HEATR4: variants seen among roughly 807,000 people sequenced by gnomAD.
HEATR4 encodes the protein HEAT repeat-containing protein 4.
Under a neutral mutation model 108.8 loss-of-function variants are expected in HEATR4, and 95 were observed. The ratio of observed to expected loss-of-function variants is 0.87; its 90% confidence interval spans 0.74 to 1.04. The LOEUF (loss-of-function observed/expected upper bound fraction) is 1.04. HEATR4 is among the 50% of genes least tolerant of loss of function. The pLI, the probability that HEATR4 is intolerant of heterozygous loss-of-function variation, is 0.00. For missense variants in HEATR4, 1,152 were observed against 1,253.8 expected (o/e 0.92, Z 1.23); for synonymous variants, 443 against 459.4 (o/e 0.96, Z 0.46).
chr14:73,601,433 G>A, the HEATR4 span, among the ~76,000 whole-genome samples: 7 of 152,022 alleles, frequency 4.6e-5, no homozygotes, highest in South Asian at 2.1e-4. Flanking sequence ...GCATGGTGGC[G>A]CACGCCTGTA....
At chr14:73,491,029 C>T (rs773079039) in intron 17 of HEATR4, 4 of 1,549,092 alleles carry the variant, frequency 2.6e-6, no homozygotes, top group Middle Eastern at 1.8e-4. Context: ...TGGATGGGCT[C>T]CAGGCCAGTG....
chr14:73,515,809 G>T (rs1479745169), intron 5 of HEATR4, among the ~76,000 whole-genome samples: 1 of 110,134 alleles, frequency 9.1e-6, no homozygotes. Context: ...CTCTGCTGAG[G>T]CCTCCCTCCT....
chr14:73,626,781 CA>C, the HEATR4 span, among the ~76,000 whole-genome samples: 2 of 133,174 alleles, frequency 1.5e-5, no homozygotes, highest in African/African-American at 6.0e-5. Flanking sequence ...AAACAACAGA[CA>C]AACAGCCTTT....
chr14:73,579,870 A>C, the HEATR4 span, among the ~76,000 whole-genome samples: 1 of 137,152 alleles, frequency 7.3e-6, no homozygotes, highest in Non-Finnish European at 1.5e-5. Flanking sequence ...AGGTGGGTGG[A>C]TCATTTGAAG....
At position 73,492,232 on chromosome 14, in the gene HEATR4, C is replaced by T. The variant is rs1156878599; in HGVS notation, c.2844+834G>A. ...TGTATTTTCCTCGGGGCTTCATTCACCAAGCTGAATGCCAGGATGGAGTCC... is the reference window on the plus strand; with the variant it reads ...TGTATTTTCCTCGGGGCTTCATTCATCAAGCTGAATGCCAGGATGGAGTCC... On this transcript the variant is annotated intron_variant, in intron 17 of 17. Coordinates refer to ENST00000553558, the MANE Select transcript of HEATR4 (RefSeq NM_001220484.1). This position sits in a 1 kb window ranked among gnomAD's most constrained non-coding sequence, Gnocchi z 4.9. The T allele has an allele frequency of 6.2e-7, 1 of 1,613,922 alleles. No homozygotes were observed. The highest frequency in any genetic ancestry group is 2.2e-5 in the East Asian group (1 of 44,902).
the HEATR4 span, among the ~76,000 whole-genome samples, chr14:73,621,522 A>G: frequency 2.0e-5 from 3 of 152,164 alleles, no homozygotes; most frequent in Non-Finnish European, 4.4e-5. Flanking sequence ...TAGAGTCATA[A>G]CAGACCAGAG....
chr14:73,619,709 G>T, the HEATR4 span: 2 of 1,614,058 alleles, frequency 1.2e-6, no homozygotes, highest in African/African-American at 2.7e-5. Flanking sequence ...GCTGTTTTGG[G>T]TGAGGCAATA....
chr14:73,626,983 G>C, the HEATR4 span, among the ~76,000 whole-genome samples: 1 of 151,002 alleles, frequency 6.6e-6, no homozygotes, highest in East Asian at 2.0e-4. Flanking sequence ...GTAGAGACAG[G>C]GTTTAGCCAA....
At chr14:73,600,998 A>G in the HEATR4 span, among the ~76,000 whole-genome samples, 21,565 of 150,562 alleles carry the variant, frequency 0.14, 2,174 homozygotes, top group Non-Finnish European at 0.22. Flanking sequence ...AAAATTAGCC[A>G]GGTGTGGTGG....
the HEATR4 span, among the ~76,000 whole-genome samples, chr14:73,592,832 G>A: frequency 3.9e-5 from 6 of 152,164 alleles, no homozygotes; most frequent in Non-Finnish European, 7.3e-5. Flanking sequence ...CAGCCTGGGT[G>A]ACAGAGCGAG....
At chr14:73,485,680 C>T (rs1008816693) in intron 17 of HEATR4, among the ~76,000 whole-genome samples, 2 of 152,118 alleles carry the variant, frequency 1.3e-5, no homozygotes, top group Admixed American at 6.6e-5. Context: ...CAAGACCAGC[C>T]TGGCCAACAT....
the HEATR4 span, among the ~76,000 whole-genome samples, chr14:73,601,255 C>T: frequency 2.0e-5 from 3 of 152,214 alleles, no homozygotes; most frequent in East Asian, 1.9e-4. Flanking sequence ...TTTGACAAAC[C>T]AAACATTGGT....
In HEATR4 at chr14:73,544,304, A is replaced by T. The variant is rs1305597903; in HGVS notation, c.-151-14060T>A. Among the ~76,000 whole-genome samples, 10 of 115,182 alleles carry T rather than the reference A, an allele frequency of 8.7e-5. 1 individual carries two copies. The highest frequency in any genetic ancestry group is 2.3e-4 in the African/African-American group (8 of 35,554). The allele number at this position is 115,182 out of a possible 152,430, so 75.6% of individuals were successfully genotyped here. ...GCAAGACTATGCCTCAAAAATAAAT[A>T]AATTAATTAAATAAATAAATGATTA... On this transcript the variant is annotated intron_variant, in intron 1 of 17. Transcript: ENST00000553558.
intron 17 of HEATR4, chr14:73,491,384 G>T: frequency 7.4e-7 from 1 of 1,353,568 alleles, no homozygotes; most frequent in Non-Finnish European, 9.4e-7. Context: ...GGCGCGCCTG[G>T]TGCCCGCTTC....
At chr14:73,609,347 G>A in the HEATR4 span, among the ~76,000 whole-genome samples, 1 of 152,242 alleles carries the variant, frequency 6.6e-6, no homozygotes, top group African/African-American at 2.4e-5. Context: ...GCAGATGATG[G>A]GATCCTGGAC....
chr14:73,615,048 C>T, the HEATR4 span, among the ~76,000 whole-genome samples: 5 of 140,294 alleles, frequency 3.6e-5, no homozygotes, highest in African/African-American at 5.4e-5. Context: ...AAGATCGCAC[C>T]GTTGCACTCC....
At chr14:73,613,829 G>A in the HEATR4 span, among the ~76,000 whole-genome samples, 1 of 152,022 alleles carries the variant, frequency 6.6e-6, no homozygotes, top group Non-Finnish European at 1.5e-5. Context: ...GCTAGGTAAA[G>A]GTAGCCCAGA....
At position 73,508,258 on chromosome 14, in the gene HEATR4, A is replaced by AAGC; in HGVS notation, c.1754_1756dup (p.Cys585dup). On this transcript the variant is annotated inframe_insertion, in exon 9 of 18. Transcript: ENST00000553558. ...GTAAGTAGCAGTACCTTCCAGAGCC[A>AAGC]AGCACTGAGCTGCAGCCCAGCTATC... The AAGC allele has an allele frequency of 2.5e-6, 4 of 1,614,066 alleles. No homozygotes were observed. The highest frequency in any genetic ancestry group is 3.4e-6 in the Non-Finnish European group (4 of 1,179,996).
chr14:73,569,072 G>A, the HEATR4 span: 2 of 840,224 alleles, frequency 2.4e-6, no homozygotes, highest in African/African-American at 3.4e-5. Context: ...GCAAACCTAG[G>A]AAGTAGCTTT....
Sources: gnomAD v4.1 joint callset for allele counts (sites outside exome capture counted in the v4.1 genomes callset) on GRCh38, gnomAD v4.1.1 for gene constraint, Gnocchi (gnomAD v3.1) non-coding constraint, MANE v1.5 for transcripts, NCBI Gene and HGNC (gene_info 2026-07-23, HGNC 2026-07-21) for gene names.